The following ERMAP variants were observed in gnomAD, a reference collection of about 807,000 sequenced individuals.
The protein encoded by ERMAP is erythroblast membrane associated protein (Scianna blood group).
In ERMAP, 34 loss-of-function variants were observed where a neutral mutation model predicts 49.5. That is an observed-to-expected ratio of 0.69 (90% confidence interval 0.52 to 0.91). The LOEUF is 0.91. Ranked by LOEUF, ERMAP falls within the 40% of genes least tolerant of loss-of-function variation. ERMAP has a pLI of 0.00. For synonymous variants in ERMAP, 214 were observed against 232.2 expected (o/e 0.92, Z 0.71); for missense variants, 541 against 582.6 (o/e 0.93, Z 0.74).
chr1:42,842,615 G>A lies in ERMAP; in HGVS notation c.811G>A (p.Asp271Asn). Residue 271 changes from aspartate (D) to asparagine (N), a missense_variant, in exon 12 of 12, where the codon GAC becomes AAC. Transcript: ENST00000372517. Reference protein sequence around the residue: ...RLGDRRQPVPDNPQRFDFVVS... With the variant: ...RLGDRRQPVPNNPQRFDFVVS... ...TGGAGACAGACGGCAGCCTGTACCT[G>A]ACAACCCCCAGAGATTTGATTTCGT... is the stretch of plus-strand genomic sequence containing the variant. 6.2e-7 allele frequency: 1 copy of A among 1,614,136 alleles called. No individual in the cohort carries two copies. Among genetic ancestry groups the A allele is most frequent in the Non-Finnish European group, 8.5e-7 (1 of 1,180,014 alleles).
chr1:42,825,495 G>T (rs1290274034), intron 1 of ERMAP, 128 bp from the exon 2 acceptor site: 21 of 1,181,294 alleles, frequency 1.8e-5, no homozygotes, highest in Non-Finnish European at 2.1e-5. Context: ...TCTTTTATCA[G>T]GGGCATACAG....
chr1:42,841,349 G>A (rs777366439), intron 11 of ERMAP, among the ~76,000 whole-genome samples: 1 of 152,150 alleles, frequency 6.6e-6, no homozygotes, highest in Admixed American at 6.5e-5. Context: ...CAATTTTAGG[G>A]AAGAATCCTT....
intron 8 of ERMAP, chr1:42,839,522 A>T (rs1654998173): frequency 5.9e-6 from 1 of 170,400 alleles, no homozygotes; most frequent in Admixed American, 5.5e-5. Context: ...GGGCAGGAGA[A>T]TCGCTTGAAC....
chr1:42,831,566 T>TC (rs1297580459), intron 4 of ERMAP, among the ~76,000 whole-genome samples: 5 of 44,680 alleles, frequency 1.1e-4, no homozygotes, highest in East Asian at 6.0e-3. Flanking sequence ...TTTTTTTTTT[T>TC]TTTTTTCTCT....
intron 4 of ERMAP, among the ~76,000 whole-genome samples, chr1:42,831,913 A>C (rs559059836): frequency 6.6e-6 from 1 of 152,226 alleles, no homozygotes; most frequent in South Asian, 2.1e-4. Context: ...ATTTAAAAAA[A>C]ACAGTTTACT....
chr1:42,834,380 CTG>C (rs933236475), intron 4 of ERMAP, among the ~76,000 whole-genome samples: 8 of 152,138 alleles, frequency 5.3e-5, no homozygotes, highest in Non-Finnish European at 1.0e-4. Context: ...CCTGGGAAGA[CTG>C]GAGGTGTGTA....
At chr1:42,820,381 C>CT (rs35589923) in intron 1 of ERMAP, among the ~76,000 whole-genome samples, 28 of 131,438 alleles carry the variant, frequency 2.1e-4, no homozygotes, top group African/African-American at 5.4e-4. Context: ...ATCAGTTTCT[C>CT]TTTTTTTTTT....
chr1:42,827,568 T>A (rs1365535298), intron 2 of ERMAP, among the ~76,000 whole-genome samples: 2 of 152,246 alleles, frequency 1.3e-5, no homozygotes, highest in Non-Finnish European at 2.9e-5. Flanking sequence ...TTACAGATGA[T>A]TTGACATTTT....
intron 4 of ERMAP, 86 bp downstream of exon 4, chr1:42,831,201 C>A (rs1041526039): frequency 1.4e-6 from 2 of 1,465,448 alleles, no homozygotes. Context: ...CATGTCTAGA[C>A]TTTTCTTTCA....
intron 1 of ERMAP, 77 bp downstream of exon 1, chr1:42,817,330 C>T (rs1322385638): frequency 8.4e-6 from 9 of 1,066,772 alleles, no homozygotes; most frequent in Non-Finnish European, 1.1e-5. Flanking sequence ...GGGCCGCGCG[C>T]CGGGGGGAGG....
At chr1:42,823,403 A>T (rs1350212557) in intron 1 of ERMAP, among the ~76,000 whole-genome samples, 1 of 152,194 alleles carries the variant, frequency 6.6e-6, no homozygotes, top group Non-Finnish European at 1.5e-5. Context: ...TGCCAATCTC[A>T]TCAGAAAAGT....
At chr1:42,839,114 A>T (rs375700723) in intron 8 of ERMAP, 193 bp downstream of exon 8, 13 of 772,228 alleles carry the variant, frequency 1.7e-5, no homozygotes, top group South Asian at 8.1e-5. Context: ...CTGCACAACT[A>T]TTATTTAGTC....
intron 6 of ERMAP, among the ~76,000 whole-genome samples, chr1:42,836,399 G>C (rs1372695303): frequency 1.3e-5 from 2 of 152,164 alleles, no homozygotes; most frequent in South Asian, 2.1e-4. Flanking sequence ...ACTCACTGGG[G>C]AGTTGAGGAG....
At chr1:42,818,507 T>C (rs1367608468) in intron 1 of ERMAP, among the ~76,000 whole-genome samples, 2 of 152,246 alleles carry the variant, frequency 1.3e-5, no homozygotes, top group South Asian at 2.1e-4. Flanking sequence ...GATGGGGTCT[T>C]GCTCTGTCAC....
At chr1:42,839,977 A>AG in intron 8 of ERMAP, 56 bp from the exon 9 acceptor site, 2 of 1,552,376 alleles carry the variant, frequency 1.3e-6, no homozygotes, top group Non-Finnish European at 1.8e-6. Flanking sequence ...GCATTATGGG[A>AG]GGGCCTCTAC....
chr1:42,826,623 C>T (rs997130098), intron 2 of ERMAP, among the ~76,000 whole-genome samples: 9 of 151,918 alleles, frequency 5.9e-5, no homozygotes, highest in East Asian at 1.9e-4. Context: ...TTTGGGGGGC[C>T]GAGGAGGGCA....
chr1:42,837,001 T>G, intron 6 of ERMAP, 157 bp from the exon 7 acceptor site: 1 of 676,852 alleles, frequency 1.5e-6, no homozygotes, highest in East Asian at 2.6e-5. Context: ...TGGGCTGCCA[T>G]TTCTGTTGTC....
chr1:42,837,106 A>G, intron 6 of ERMAP, 52 bp from the exon 7 acceptor site: 1 of 1,600,460 alleles, frequency 6.2e-7, no homozygotes. Flanking sequence ...GGAATCAGGG[A>G]TCCTCAAGGC....
chr1:42,823,713 A>G (rs1298448801), intron 1 of ERMAP, among the ~76,000 whole-genome samples: 1 of 152,232 alleles, frequency 6.6e-6, no homozygotes, highest in Non-Finnish European at 1.5e-5. Context: ...ATACTTTGAT[A>G]TGCAGCGTAA....
Sources: allele counts gnomAD v4.1 joint callset (sites outside exome capture counted in the v4.1 genomes callset), GRCh38; gene constraint gnomAD v4.1.1; transcripts MANE v1.5; gene names NCBI Gene and HGNC (gene_info 2026-07-23, HGNC 2026-07-21).